Variants in ADGRA1 observed in about 807,000 individuals in gnomAD.
ADGRA1 encodes G-protein coupled receptor 123.
Under a neutral mutation model 21.3 loss-of-function variants are expected in ADGRA1, and 12 were observed. The observed-to-expected ratio is 0.56, with a 90% CI of 0.36 to 0.91. The LOEUF (loss-of-function observed/expected upper bound fraction) is 0.91, where lower values mean the gene tolerates loss of function less well. ADGRA1 is among the 40% of genes least tolerant of loss of function. The pLI is 0.01. For missense variants in ADGRA1, 790 were observed against 805.6 expected (o/e 0.98, Z 0.23); for synonymous variants, 385 against 368.8 (o/e 1.04, Z -0.50).
chr10:133,106,982 G>A (rs1007995260), intron 5 of ADGRA1, among the ~76,000 whole-genome samples: 3 of 152,244 alleles, frequency 2.0e-5, no homozygotes, highest in African/African-American at 4.8e-5. Flanking sequence ...AGCACAGGAC[G>A]TCTTTCCTTT....
intron 1 of ADGRA1, 111 bp from the exon 2 acceptor site, chr10:133,088,596 CG>C: frequency 1.6e-6 from 1 of 618,004 alleles, no homozygotes; most frequent in East Asian, 4.5e-5. Context: ...AGGCCGCCCG[CG>C]GAGGGGAGGG....
chr10:133,118,891 T>G (rs1852203812), intron 5 of ADGRA1, among the ~76,000 whole-genome samples: 1 of 149,980 alleles, frequency 6.7e-6, no homozygotes, highest in South Asian at 2.2e-4. Flanking sequence ...CTCATACACT[T>G]ACACTCACAC....
In ADGRA1 at chr10:133,128,915, A is replaced by C. The variant is rs1485283929; in HGVS notation, c.1087A>C (p.Lys363Gln). Residue 363 changes from lysine (K) to glutamine (Q), a missense_variant, in exon 7 of 7, where the codon AAG becomes CAG. Coordinates refer to ENST00000392607, the MANE Select transcript of ADGRA1 (RefSeq NM_001083909.3). Reference protein sequence around the residue: ...RGFAHPPGPCKMTNLQAAQGH... With the variant: ...RGFAHPPGPCQMTNLQAAQGH... ...CTTCGCGCACCCACCGGGCCCCTGC[A>C]AGATGACCAACCTGCAGGCCGCGCA... is the stretch of plus-strand genomic sequence containing the variant. 6.4e-7 allele frequency: 1 copy of C among 1,558,012 alleles called. No homozygotes were observed. The highest frequency in any genetic ancestry group is 8.7e-7 in the Non-Finnish European group (1 of 1,154,888).
intron 2 of ADGRA1, among the ~76,000 whole-genome samples, chr10:133,091,576 G>C (rs905094390): frequency 6.6e-6 from 1 of 152,220 alleles, no homozygotes; most frequent in South Asian, 2.1e-4. Context: ...AGCTTTCTGT[G>C]AGTAGGGTGG....
At chr10:133,124,224 C>G (rs1441943608) in intron 5 of ADGRA1, among the ~76,000 whole-genome samples, 7 of 149,684 alleles carry the variant, frequency 4.7e-5, no homozygotes, top group Non-Finnish European at 8.9e-5. Context: ...GCAACCTCCC[C>G]GGCCAAGCCA....
chr10:133,102,367 G>C, intron 4 of ADGRA1: 1 of 523,840 alleles, frequency 1.9e-6, no homozygotes, highest in Non-Finnish European at 3.7e-6. Context: ...TTGGTCTGCA[G>C]CTCACAGTGT....
chr10:133,089,076 C>CGG (rs1161324677), intron 2 of ADGRA1, 164 bp downstream of exon 2: 2 of 1,202,770 alleles, frequency 1.7e-6, no homozygotes, highest in Non-Finnish European at 2.1e-6. Flanking sequence ...GAGTGGGGGC[C>CGG]GGGGACAGGC....
intron 5 of ADGRA1, among the ~76,000 whole-genome samples, chr10:133,118,815 G>T (rs926234280): frequency 1.4e-4 from 22 of 152,120 alleles, no homozygotes; most frequent in African/African-American, 5.1e-4. Context: ...TCACTTTATT[G>T]CAGTGGTCTG....
rs1564849822 is a variant in ADGRA1 at position 133,112,019 on chromosome 10, A to ACCACCTGCCCGCCACGGG, written c.401+9178_401+9179insCACCTGCCCGCCACGGGC. On this transcript the variant is annotated intron_variant, in intron 5 of 6. Coordinates refer to ENST00000392607, the MANE Select transcript of ADGRA1 (RefSeq NM_001083909.3). ...CCTCCAGACCACCTGCCCACCACAG[A>ACCACCTGCCCGCCACGGG]CACCTCCCTCCTAATGCCTCCAGAC... Among the ~76,000 whole-genome samples, 12 of 27,936 alleles carry ACCACCTGCCCGCCACGGG rather than the reference A, an allele frequency of 4.3e-4. 3 individuals carry two copies. The highest frequency in any genetic ancestry group is 6.4e-4 in the Non-Finnish European group (9 of 14,128). 18.3% of individuals were successfully genotyped at this position (27,936 alleles called of 152,430 possible).
Position 133,128,493 on chromosome 10 carries a change from C to G in ADGRA1, c.665C>G (p.Ala222Gly). ...RTQPEEQRRL[A>G]TPEGGRGIRP... ...CAGCCCGAGGAGCAGCGGCGGCTGG[C>G]GACACCCGAGGGCGGCCGTGGGATC... is the stretch of plus-strand genomic sequence containing the variant. The change falls in exon 7 of 7, where the codon GCG becomes GGG. Residue 222 changes from alanine (A) to glycine (G), a missense_variant. By Grantham distance (60) the Ala-to-Gly change is moderately conservative (BLOSUM62 0). Transcript: ENST00000392607. 1.3e-6 allele frequency: 2 copies of G among 1,557,586 alleles called. No individual in the cohort carries two copies. The highest frequency in any genetic ancestry group is 1.7e-6 in the Non-Finnish European group (2 of 1,152,938).
intron 4 of ADGRA1, among the ~76,000 whole-genome samples, chr10:133,102,091 C>G (rs563928645): frequency 6.6e-6 from 1 of 150,578 alleles, no homozygotes; most frequent in South Asian, 2.1e-4. Context: ...GTGTGGCCCT[C>G]GTAATAAGCA....
chr10:133,122,723 T>C (rs1000677929), intron 5 of ADGRA1, among the ~76,000 whole-genome samples: 4 of 152,088 alleles, frequency 2.6e-5, no homozygotes, highest in Non-Finnish European at 5.9e-5. Context: ...AGCGAGAACC[T>C]TGGGGCCGGC....
intron 5 of ADGRA1, among the ~76,000 whole-genome samples, chr10:133,107,840 C>A (rs1210551250): frequency 2.0e-5 from 3 of 152,230 alleles, no homozygotes; most frequent in Non-Finnish European, 4.4e-5. Flanking sequence ...TGTGCTGCAA[C>A]TTTTAGTGTC....
intron 5 of ADGRA1, among the ~76,000 whole-genome samples, chr10:133,107,073 T>C (rs1591176029): frequency 6.6e-6 from 1 of 152,266 alleles, no homozygotes; most frequent in Non-Finnish European, 1.5e-5. Context: ...TGAATTTTTT[T>C]CCCAGGGATT....
intron 5 of ADGRA1, among the ~76,000 whole-genome samples, chr10:133,108,771 T>C (rs1275794394): frequency 6.6e-6 from 1 of 152,038 alleles, no homozygotes; most frequent in African/African-American, 2.4e-5. Flanking sequence ...AGCTCAATAC[T>C]GGGTGCATGT....
At chr10:133,114,665 C>T (rs1046771115) in intron 5 of ADGRA1, among the ~76,000 whole-genome samples, 1 of 152,138 alleles carries the variant, frequency 6.6e-6, no homozygotes, top group African/African-American at 2.4e-5. Context: ...ACATAAATAG[C>T]TCTTGGATCC....
rs116311135 is a variant in ADGRA1, at chr10:133,097,914, G to A, written c.132-726G>A. Reference sequence around the variant, plus strand: ...GCACTCTGGGGGCCTCTTTCTCAAGGTCCCTGATCCCATCACCACAGCTCT... The same window carrying A: ...GCACTCTGGGGGCCTCTTTCTCAAGATCCCTGATCCCATCACCACAGCTCT... On this transcript the variant is annotated intron_variant, in intron 3 of 6. Transcript: ENST00000392607. 6.4e-3 allele frequency among the ~76,000 whole-genome samples: 974 copies of A among 152,228 alleles called. 10 individuals carry two copies. Among genetic ancestry groups the A allele is most frequent in the African/African-American group, 0.022 (912 of 41,522 alleles).
Position 133,108,934 on chromosome 10 carries a change from C to T in ADGRA1, c.401+6092C>T, listed in dbSNP as rs1409908726. Among the ~76,000 whole-genome samples, 10 of 141,982 alleles carry T rather than the reference C, an allele frequency of 7.0e-5. 1 individual carries two copies. The highest frequency in any genetic ancestry group is 1.4e-4 in the Admixed American group (2 of 14,196). The allele number at this position is 141,982 out of a possible 152,430, so 93.1% of individuals were successfully genotyped here. On this transcript the variant is annotated intron_variant, in intron 5 of 6. Transcript: ENST00000392607. ...TGTCCTCCATGGTCCCAGCTCCACT[C>T]GGCCCCAGCTCCACCCGTCCCCTCA...
chr10:133,103,245 C>A (rs965986352), intron 5 of ADGRA1, among the ~76,000 whole-genome samples: 1 of 152,168 alleles, frequency 6.6e-6, no homozygotes, highest in Non-Finnish European at 1.5e-5. Flanking sequence ...GGCGTGAGAC[C>A]CTCTATGCCC....
Sources: allele counts gnomAD v4.1 joint callset (sites outside exome capture counted in the v4.1 genomes callset), GRCh38; gene constraint gnomAD v4.1.1; transcripts MANE v1.5; gene names NCBI Gene and HGNC (gene_info 2026-07-23, HGNC 2026-07-21).